The following PTPRS variants were observed in gnomAD, a reference collection of about 807,000 sequenced individuals.
PTPRS encodes receptor-type tyrosine-protein phosphatase S.
A neutral mutation model predicts 215.3 loss-of-function variants in PTPRS; 63 were observed. That is an observed-to-expected ratio of 0.29 (90% CI 0.24 to 0.36). PTPRS has a LOEUF of 0.36. Ranked by LOEUF, PTPRS falls within the 10% of genes least tolerant of loss-of-function variation. The probability of loss-of-function intolerance (pLI) is 1.00; values close to 1 mark genes in which losing one functional copy is unlikely to be tolerated. For synonymous variants in PTPRS, 1,404 were observed against 1,191.4 expected, an observed-to-expected ratio of 1.18 and a Z score of -3.68; for missense variants, 2,258 against 2,825.8, an observed-to-expected ratio of 0.80 and a Z score of 4.56.
rs143439096 is a variant in PTPRS at position 5,231,539 on chromosome 19, C to T, written c.1926G>A (p.Pro642=). ...STAILVSWRP[P]PPETHNGALV... is the part of the protein sequence containing the mutation. ...GGGCCCCGTTGTGCGTTTCCGGCGGCGGCGGGCGCCAACTTACCAAAATGG... is the reference window on the plus strand; with the variant it reads ...GGGCCCCGTTGTGCGTTTCCGGCGGTGGCGGGCGCCAACTTACCAAAATGG... Residue 642 remains proline (P), a synonymous_variant, in exon 14 of 38, where the codon CCG becomes CCA. Coordinates refer to ENST00000262963, the MANE Select transcript of PTPRS (RefSeq NM_002850.4). 1.7e-5 allele frequency: 28 copies of T among 1,610,314 alleles called. No individual in the cohort carries two copies. The highest frequency in any genetic ancestry group is 4.5e-5 in the East Asian group (2 of 44,728).
rs1599350724 is a variant in PTPRS, at chr19:5,210,396, A to C, written c.5487+73T>G. The C allele has an allele frequency of 1.9e-6, 3 of 1,601,006 alleles. No homozygotes were observed. Among genetic ancestry groups the C allele is most frequent in the African/African-American group, 1.3e-5 (1 of 74,716 alleles). On this transcript the variant is annotated intron_variant, in intron 35 of 37. Transcript: ENST00000262963. The surrounding 1 kb of genome is among the most constrained non-coding windows in gnomAD (Gnocchi z 4.5). ...TGCCTAACCCTTGGCCTTTGTATCC[A>C]TCACCAACCAGGGCAGCCCTTTCCA...
intron 13 of PTPRS, among the ~76,000 whole-genome samples, chr19:5,236,434 G>A (rs2043446413): frequency 6.6e-6 from 1 of 152,194 alleles, no homozygotes; most frequent in African/African-American, 2.4e-5. Context: ...TGCTGGTTGG[G>A]TATGGCGGAA....
intron 36 of PTPRS, 66 bp downstream of exon 36, chr19:5,208,171 G>A: frequency 6.4e-7 from 1 of 1,561,408 alleles, no homozygotes; most frequent in South Asian, 1.2e-5. Context: ...CTAAGCTTGG[G>A]GCTGTCCCCA....
intron 1 of PTPRS, among the ~76,000 whole-genome samples, chr19:5,291,606 G>A (rs964257743): frequency 2.0e-5 from 3 of 151,850 alleles, no homozygotes; most frequent in Admixed American, 6.6e-5. Flanking sequence ...CCCTCTTCCC[G>A]AAAGGTCCTG....
At chr19:5,252,930 C>T (rs1352433475) in intron 9 of PTPRS, among the ~76,000 whole-genome samples, 1 of 151,280 alleles carries the variant, frequency 6.6e-6, no homozygotes, top group Non-Finnish European at 1.5e-5. Flanking sequence ...CTGATGTCTC[C>T]AGCTTTTTCC....
intron 16 of PTPRS, among the ~76,000 whole-genome samples, chr19:5,226,630 T>C (rs1446587065): frequency 6.6e-6 from 1 of 150,668 alleles, no homozygotes; most frequent in Non-Finnish European, 1.5e-5. Context: ...ATGCCTGTAG[T>C]CCCAGCTACT....
chr19:5,215,692 T>C, intron 26 of PTPRS, 97 bp from the exon 27 acceptor site: 1 of 870,136 alleles, frequency 1.1e-6, no homozygotes, highest in Non-Finnish European at 1.8e-6. Flanking sequence ...CTGCGATGGG[T>C]GAGCTGTGGT....
chr19:5,309,117 G>T (rs1490109397), intron 1 of PTPRS, among the ~76,000 whole-genome samples: 1 of 152,188 alleles, frequency 6.6e-6, no homozygotes, highest in African/African-American at 2.4e-5. Flanking sequence ...ACCAAAAACT[G>T]GAGCTGGCAG....
intron 17 of PTPRS, among the ~76,000 whole-genome samples, chr19:5,224,713 AG>A (rs1386069994): frequency 1.3e-5 from 2 of 152,044 alleles, no homozygotes; most frequent in Non-Finnish European, 2.9e-5. Context: ...CTGAGAGAGG[AG>A]GGAAGTGCCC....
chr19:5,293,324 T>C lies in PTPRS; in HGVS notation c.-94-7090A>G, dbSNP rs1476442818. 6.9e-5 allele frequency: 2 copies of C among 28,794 alleles called. No individual in the cohort carries two copies. Among genetic ancestry groups the C allele is most frequent in the African/African-American group, 2.9e-4 (2 of 6,984 alleles). The allele number at this position is 28,794 out of a possible 1,614,324, so 1.8% of individuals were successfully genotyped here. On this transcript the variant is annotated intron_variant, in intron 1 of 37. Coordinates refer to ENST00000262963, the MANE Select transcript of PTPRS (RefSeq NM_002850.4). This position sits in a 1 kb window ranked among gnomAD's most constrained non-coding sequence, Gnocchi z 8.4. ...GGGGCTGTAGGGGGCGGGGTTGCAG[T>C]GGGCGGGGCTGCAGGGGACGGGCCC...
rs574613013 is a variant in PTPRS, at chr19:5,272,534, G to A, written c.379+908C>T. ...AATCGCTTGAACCTGGGAGGTGGAG[G>A]TTGCAGTGAGCTGAGATAATGCCAC... On this transcript the variant is annotated intron_variant, in intron 4 of 37. Transcript: ENST00000262963. Among the ~76,000 whole-genome samples the A allele has an allele frequency of 3.5e-4, 49 of 139,588 alleles. 1 individual carries two copies. In the South Asian group the frequency reaches 0.011, roughly 32 times the overall value. 91.6% of individuals were successfully genotyped at this position (139,588 alleles called of 152,430 possible).
chr19:5,238,307 CCA>C (rs1239135209), intron 13 of PTPRS, among the ~76,000 whole-genome samples: 2 of 152,134 alleles, frequency 1.3e-5, no homozygotes, highest in African/African-American at 2.4e-5. Context: ...GCAGAGAACT[CCA>C]GAGATTTGAG....
intron 19 of PTPRS, 93 bp from the exon 20 acceptor site, chr19:5,221,346 C>T: frequency 4.7e-6 from 7 of 1,488,272 alleles, no homozygotes; most frequent in Non-Finnish European, 6.3e-6. Flanking sequence ...CTGACTGAGC[C>T]CTGATCCCAC....
At chr19:5,240,721 C>T (rs981276107) in intron 11 of PTPRS, among the ~76,000 whole-genome samples, 5 of 151,194 alleles carry the variant, frequency 3.3e-5, no homozygotes, top group African/African-American at 1.2e-4. Flanking sequence ...CACCTGTAGT[C>T]CCAGCTACTC....
intron 1 of PTPRS, among the ~76,000 whole-genome samples, chr19:5,290,962 G>A (rs750569621): frequency 6.6e-6 from 1 of 152,024 alleles, no homozygotes; most frequent in Admixed American, 6.5e-5. Context: ...CACAGGCTCT[G>A]TGGCCACTGG....
intron 1 of PTPRS, among the ~76,000 whole-genome samples, chr19:5,300,665 G>A (rs781776092): frequency 6.6e-6 from 1 of 151,566 alleles, no homozygotes; most frequent in Non-Finnish European, 1.5e-5. Context: ...CAGCTACTTG[G>A]GAGGCTGAGG....
At chr19:5,296,805 G>C (rs536273895) in intron 1 of PTPRS, among the ~76,000 whole-genome samples, 1 of 152,258 alleles carries the variant, frequency 6.6e-6, no homozygotes, top group South Asian at 2.1e-4. Context: ...TGACCCTGAG[G>C]AAGGTGGGAG....
At chr19:5,259,057 A>C (rs1365161752) in intron 7 of PTPRS, among the ~76,000 whole-genome samples, 1 of 152,224 alleles carries the variant, frequency 6.6e-6, no homozygotes, top group Admixed American at 6.5e-5. Context: ...AAGTGTTTGA[A>C]ATCAGGGGTC....
rs1448385489 is a variant in PTPRS at position 5,255,467 on chromosome 19, A to C, written c.718+641T>G. The stretch of plus-strand genomic sequence containing the variant: ...ACCAAAACCAAATAGCACAGACACA[A>C]GACAGAACCAAAGACGAGTCGCTTT... On this transcript the variant is annotated intron_variant, in intron 9 of 37. Transcript: ENST00000262963. 3.3e-5 allele frequency among the ~76,000 whole-genome samples: 5 copies of C among 152,278 alleles called. No individual in the cohort carries two copies. In the East Asian group the frequency reaches 7.7e-4, roughly 23 times the overall value.
Sources: allele counts gnomAD v4.1 joint callset (sites outside exome capture counted in the v4.1 genomes callset), GRCh38; gene constraint gnomAD v4.1.1; non-coding constraint Gnocchi (gnomAD v3.1); transcripts MANE v1.5; gene names NCBI Gene and HGNC (gene_info 2026-07-23, HGNC 2026-07-21).